Variants in CPA4 observed in about 807,000 individuals in gnomAD.
CPA4 encodes carboxypeptidase A4, also known as carboxypeptidase A3.
Under a neutral mutation model 54.7 loss-of-function variants are expected in CPA4, and 49 were observed. The ratio of observed to expected loss-of-function variants is 0.90; its 90% CI spans 0.71 to 1.14. The LOEUF is 1.14. CPA4 is among the 50% of genes most tolerant of loss of function. The probability of loss-of-function intolerance (pLI) is 0.00; values close to 1 mark genes in which losing one functional copy is unlikely to be tolerated. For synonymous variants in CPA4, 215 were observed against 206.8 expected (o/e 1.04, Z -0.34); for missense variants, 487 against 525.1 (o/e 0.93, Z 0.71).
intron 5 of CPA4, among the ~76,000 whole-genome samples, chr7:130,305,013 C>A (rs1371687726): frequency 6.6e-6 from 1 of 152,154 alleles, no homozygotes; most frequent in Non-Finnish European, 1.5e-5. Context: ...CTTGGTTGCA[C>A]AAAGCCTAAT....
At chr7:130,293,415 C>T in intron 1 of CPA4, 167 bp downstream of exon 1, 1 of 615,822 alleles carries the variant, frequency 1.6e-6, no homozygotes. Context: ...TCTCTGAGAC[C>T]CCATTTCATC....
chr7:130,298,761 G>C lies in CPA4; in HGVS notation c.84G>C (p.Arg28Ser), dbSNP rs758685749. 6.2e-7 allele frequency: 1 copy of C among 1,609,470 alleles called. No homozygotes were observed. The highest frequency in any genetic ancestry group is 2.2e-5 in the East Asian group (1 of 44,858). The change falls in exon 2 of 11, where the codon AGG (arginine) becomes AGC (serine). Residue 28 changes from arginine (R) to serine (S), a missense_variant. Physicochemically the swap from Arg to Ser is moderately radical, Grantham distance 110 (BLOSUM62 -1). Transcript: ENST00000222482. Reference protein sequence around the residue: ...QEKFFGDQVLRINVRNGDEIS... With the variant: ...QEKFFGDQVLSINVRNGDEIS... ...TCTTCCCCAGGGACCAAGTTTTGAG[G>C]ATTAATGTCAGAAATGGAGACGAGA...
chr7:130,323,776 C>T lies in CPA4; in HGVS notation c.*1100C>T, dbSNP rs893821351. On this transcript the variant is annotated 3_prime_UTR_variant, in exon 11 of 11. Coordinates refer to ENST00000222482, the MANE Select transcript of CPA4 (RefSeq NM_016352.4). ...ACCTCCTCTTTGCCTTTTGAACTCA[C>T]TTCAAAGATCTAGGCCTCATCTTAC... 1 of 152,232 alleles carries T rather than the reference C, an allele frequency of 6.6e-6. No individual in the cohort carries two copies. The highest frequency in any genetic ancestry group is 1.5e-5 in the Non-Finnish European group (1 of 68,076). 9.4% of individuals were successfully genotyped at this position (152,232 alleles called of 1,614,324 possible).
intron 1 of CPA4, chr7:130,293,517 T>C: frequency 2.4e-6 from 1 of 410,708 alleles, no homozygotes; most frequent in South Asian, 2.4e-5. Flanking sequence ...ACTTATAAGG[T>C]CAGTTCCAGG....
At chr7:130,306,067 A>G in intron 6 of CPA4, 147 bp downstream of exon 6, 1 of 649,110 alleles carries the variant, frequency 1.5e-6, no homozygotes, top group Non-Finnish European at 2.7e-6. Context: ...GGAGAAGCAA[A>G]TGGTCAAAAC....
intron 10 of CPA4, among the ~76,000 whole-genome samples, chr7:130,315,589 C>T (rs989667024): frequency 6.6e-6 from 1 of 151,930 alleles, no homozygotes; most frequent in Non-Finnish European, 1.5e-5. Context: ...AGAGGCACCC[C>T]GAACCTGGGG....
chr7:130,303,806 T>G (rs572228447), intron 4 of CPA4, among the ~76,000 whole-genome samples: 10 of 133,632 alleles, frequency 7.5e-5, no homozygotes, highest in Admixed American at 1.5e-4. Context: ...TTTTTTTTTT[T>G]TTGTTTCATT....
chr7:130,318,772 G>T (rs12533406), intron 10 of CPA4, among the ~76,000 whole-genome samples: 7,676 of 151,824 alleles, frequency 0.051, 269 homozygotes, highest in Middle Eastern at 0.088. Flanking sequence ...GTCTGTCCTT[G>T]TTTTTTCAAA....
In CPA4 at chr7:130,310,845, G is replaced by C. The variant is rs771669271; in HGVS notation, c.852G>C (p.Ser284=). ...SEVYHGPHAN[S]EVEVKSVVDF... is the part of the protein sequence containing the mutation. ...TGTACCATGGACCCCACGCCAATTC[G>C]GAAGTGGAGGTGAAATCAGTGGTAG... The change falls in exon 9 of 11, where the codon TCG becomes TCC. Residue 284 remains serine, a synonymous_variant. Coordinates refer to ENST00000222482, the MANE Select transcript of CPA4 (RefSeq NM_016352.4). This position sits in a 1 kb window ranked among gnomAD's most constrained non-coding sequence, Gnocchi z 4.3. 10 of 1,614,210 alleles carry C rather than the reference G, an allele frequency of 6.2e-6. No homozygotes were observed. Among genetic ancestry groups the C allele is most frequent in the Non-Finnish European group, 8.5e-6 (10 of 1,180,024 alleles).
chr7:130,300,588 C>T (rs562415228), intron 3 of CPA4, among the ~76,000 whole-genome samples: 9 of 152,152 alleles, frequency 5.9e-5, no homozygotes, highest in South Asian at 2.1e-4. Flanking sequence ...CCCGCCTCAG[C>T]CTCCCAAAGT....
intron 4 of CPA4, among the ~76,000 whole-genome samples, chr7:130,301,363 T>C (rs1334723672): frequency 6.6e-6 from 1 of 152,242 alleles, no homozygotes; most frequent in African/African-American, 2.4e-5. Flanking sequence ...TGTTCCATCA[T>C]GCATTTTGGT....
At position 130,306,760 on chromosome 7, in the gene CPA4, G is replaced by A. The variant is rs763469292; in HGVS notation, c.592-27G>A. 25 of 1,350,144 alleles carry A rather than the reference G, an allele frequency of 1.9e-5. No individual in the cohort carries two copies. In the South Asian group the frequency reaches 2.6e-4, roughly 14 times the overall value. 83.6% of individuals were successfully genotyped at this position (1,350,144 alleles called of 1,614,324 possible). A position where few individuals can be genotyped will look rare whatever the true frequency, so the allele number is the denominator to read the frequency against. ...TAATGGCCCATCCTGCCATGGGATA[G>A]CTGACAAGCATATTGTCTCTGCTTA... On this transcript the variant is annotated intron_variant, in intron 6 of 10. Coordinates refer to ENST00000222482, the MANE Select transcript of CPA4 (RefSeq NM_016352.4).
intron 10 of CPA4, among the ~76,000 whole-genome samples, chr7:130,312,856 C>T (rs1793934992): frequency 6.6e-6 from 1 of 151,996 alleles, no homozygotes; most frequent in Non-Finnish European, 1.5e-5. Flanking sequence ...AGTTTTATTT[C>T]CTGGGTTGGA....
rs1420327903 is a variant in CPA4 at position 130,298,147 on chromosome 7, G to A, written c.69-599G>A. On this transcript the variant is annotated intron_variant, in intron 1 of 10. Coordinates refer to ENST00000222482, the MANE Select transcript of CPA4 (RefSeq NM_016352.4). ...TCTGGAGCTGGAAGGGACTGAGCGAGCACCCAGCCTCGCCTGTTTTAAGAC... is the reference window on the plus strand; with the variant it reads ...TCTGGAGCTGGAAGGGACTGAGCGAACACCCAGCCTCGCCTGTTTTAAGAC... 2.0e-5 allele frequency among the ~76,000 whole-genome samples: 3 copies of A among 152,154 alleles called. No individual in the cohort carries two copies. The East Asian group carries it at 5.8e-4, about 29-fold the overall frequency.
intron 10 of CPA4, among the ~76,000 whole-genome samples, chr7:130,313,985 T>C (rs1426469206): frequency 6.6e-6 from 1 of 152,174 alleles, no homozygotes; most frequent in Non-Finnish European, 1.5e-5. Context: ...AAAGAATTAT[T>C]TTTTACACAA....
At chr7:130,307,712 C>T (rs1793846755) in intron 7 of CPA4, among the ~76,000 whole-genome samples, 1 of 151,938 alleles carries the variant, frequency 6.6e-6, no homozygotes, top group Non-Finnish European at 1.5e-5. Context: ...GCACCTGGTG[C>T]TGTGTCTCTG....
At chr7:130,314,512 T>C (rs1481495376) in intron 10 of CPA4, among the ~76,000 whole-genome samples, 1 of 152,214 alleles carries the variant, frequency 6.6e-6, no homozygotes, top group African/African-American at 2.4e-5. Context: ...AAGAGCTGCG[T>C]AAGCTGAGGA....
intron 10 of CPA4, among the ~76,000 whole-genome samples, chr7:130,320,274 GT>G (rs1415536878): frequency 6.6e-6 from 1 of 152,152 alleles, no homozygotes; most frequent in Non-Finnish European, 1.5e-5. Flanking sequence ...TGTTGTTATT[GT>G]TTTTAAAGAG....
intron 7 of CPA4, among the ~76,000 whole-genome samples, chr7:130,307,629 CAGAAAA>C (rs762504878): frequency 0.06 from 7,595 of 127,208 alleles, 294 homozygotes; most frequent in Middle Eastern, 0.12. Context: ...GACTCCATCT[CAGAAAA>C]AAAAAAAAAA....
Sources: allele counts gnomAD v4.1 joint callset (sites outside exome capture counted in the v4.1 genomes callset), GRCh38; gene constraint gnomAD v4.1.1; non-coding constraint Gnocchi (gnomAD v3.1); transcripts MANE v1.5; gene names NCBI Gene and HGNC (gene_info 2026-07-23, HGNC 2026-07-21).